MID1: variants seen among roughly 807,000 people sequenced by gnomAD.
The protein encoded by MID1 is E3 ubiquitin-protein ligase Midline-1.
MID1 carries 7 observed loss-of-function variants against 40.4 expected under a neutral mutation model. That is an observed-to-expected ratio of 0.17 (90% CI 0.10 to 0.33). The LOEUF (loss-of-function observed/expected upper bound fraction) is 0.33. MID1 is among the 10% of genes least tolerant of loss of function. MID1 has a pLI of 1.00. For missense variants in MID1, 367 were observed against 558.5 expected, an observed-to-expected ratio of 0.66 and a Z score of 3.46; for synonymous variants, 229 against 221.2, an observed-to-expected ratio of 1.04 and a Z score of -0.31.
At chrX:10,609,596 T>G (rs963435783) in intron 1 of MID1, among the ~76,000 whole-genome samples, 7 of 111,075 alleles carry the variant, frequency 6.3e-5, no homozygotes, top group Non-Finnish European at 5.7e-5. Flanking sequence ...TCTCTGATAG[T>G]GTGCTTCTAA....
At chrX:10,620,814 C>G (rs1426284565), upstream of MID1, among the ~76,000 whole-genome samples, 2 of 112,220 alleles carry the variant, frequency 1.8e-5, no homozygotes, top group Non-Finnish European at 3.8e-5. Flanking sequence ...TAGCTAAGGG[C>G]CTTAAATCCT....
intron 1 of MID1, among the ~76,000 whole-genome samples, chrX:10,774,322 T>C (rs2043788757): frequency 9.1e-6 from 1 of 110,460 alleles, no homozygotes. Context: ...TCAGCCCAGG[T>C]AGTCAGGAAG....
At chrX:10,832,221 G>A (rs2044257414) in intron 1 of MID1, among the ~76,000 whole-genome samples, 1 of 112,346 alleles carries the variant, frequency 8.9e-6, no homozygotes, top group Admixed American at 9.4e-5. Flanking sequence ...TTTAAACTGT[G>A]TCCTTGCGAA....
intron 4 of MID1, among the ~76,000 whole-genome samples, chrX:10,484,023 C>G (rs1293928780): frequency 1.8e-5 from 2 of 112,145 alleles, no homozygotes; most frequent in Admixed American, 1.9e-4. Flanking sequence ...TTACTGTCCC[C>G]AGTGGATTAA....
At chrX:10,521,353 G>A (rs182584818) in intron 3 of MID1, among the ~76,000 whole-genome samples, 217 of 110,769 alleles carry the variant, frequency 2.0e-3, no homozygotes, top group Non-Finnish European at 1.2e-3. Flanking sequence ...AAAATGTTAC[G>A]TGATTCAGAG....
At chrX:10,711,138 C>T (rs1165335465) in intron 1 of MID1, among the ~76,000 whole-genome samples, 2 of 111,705 alleles carry the variant, frequency 1.8e-5, no homozygotes, top group African/African-American at 6.5e-5. Context: ...AGTACCCTTC[C>T]TCCCTTACTT....
At chrX:10,784,338 T>C (rs1288944380) in intron 1 of MID1, among the ~76,000 whole-genome samples, 1 of 111,938 alleles carries the variant, frequency 8.9e-6, no homozygotes, top group Non-Finnish European at 1.9e-5. Flanking sequence ...CATATGAGAT[T>C]TGAAAACCTG....
At chrX:10,613,766 GAGACAGAC>G (rs1328764093) in intron 1 of MID1, among the ~76,000 whole-genome samples, 67 of 75,733 alleles carry the variant, frequency 8.8e-4, no homozygotes, top group African/African-American at 4.1e-3. Flanking sequence ...GAGAGAGAGA[GAGACAGAC>G]AGACAGACAG....
chrX:10,704,735 T>TACACACAC (rs1449236211), intron 1 of MID1, among the ~76,000 whole-genome samples: 23 of 84,884 alleles, frequency 2.7e-4, no homozygotes, highest in African/African-American at 1.2e-3. Flanking sequence ...TATATATATA[T>TACACACAC]ATATACACAC....
intron 1 of MID1, chrX:10,582,887 G>T (rs760663414): frequency 9.0e-6 from 1 of 111,648 alleles, no homozygotes; most frequent in African/African-American, 3.3e-5. Context: ...CCCAATGCAA[G>T]GATGACAAAT....
chrX:10,776,815 G>A (rs2043805733), intron 1 of MID1, among the ~76,000 whole-genome samples: 1 of 112,221 alleles, frequency 8.9e-6, no homozygotes, highest in South Asian at 3.7e-4. Flanking sequence ...AAAGAAAACA[G>A]GAAAATAAAC....
intron 1 of MID1, among the ~76,000 whole-genome samples, chrX:10,704,725 T>TATATATATAC (rs2043215110): frequency 1.2e-5 from 1 of 84,661 alleles, no homozygotes; most frequent in African/African-American, 5.3e-5. Context: ...TGTATATATA[T>TATATATATAC]ATATATATAT....
intron 1 of MID1, among the ~76,000 whole-genome samples, chrX:10,672,005 G>A (rs984266058): frequency 3.6e-5 from 4 of 111,431 alleles, no homozygotes; most frequent in South Asian, 3.8e-4. Context: ...CAGGTGGACC[G>A]CTTGAGCCCA....
chrX:10,746,066 G>C (rs1187550122), intron 1 of MID1, among the ~76,000 whole-genome samples: 1 of 111,779 alleles, frequency 8.9e-6, no homozygotes, highest in African/African-American at 3.3e-5. Context: ...AGACACGAAA[G>C]AGCTAATATT....
At chrX:10,599,266 CAA>C (rs1052019238) in intron 1 of MID1, among the ~76,000 whole-genome samples, 3 of 112,118 alleles carry the variant, frequency 2.7e-5, no homozygotes, top group African/African-American at 6.5e-5. Flanking sequence ...GCATCTTCTC[CAA>C]GTCAAGCATC....
At chrX:10,480,408 A>C (rs1930253908) in intron 5 of MID1, among the ~76,000 whole-genome samples, 1 of 112,321 alleles carries the variant, frequency 8.9e-6, no homozygotes, top group Non-Finnish European at 1.9e-5. Flanking sequence ...GAATTTATTC[A>C]TGTGACACTT....
At chrX:10,653,921 A>G (rs1664948674) in intron 1 of MID1, among the ~76,000 whole-genome samples, 1 of 112,864 alleles carries the variant, frequency 8.9e-6, no homozygotes, top group African/African-American at 3.2e-5. Flanking sequence ...TTCTACCAAG[A>G]TTTTAATAGA....
intron 1 of MID1, among the ~76,000 whole-genome samples, chrX:10,617,160 G>T (rs1935852688): frequency 8.9e-6 from 1 of 111,877 alleles, no homozygotes; most frequent in Non-Finnish European, 1.9e-5. Context: ...TTTCTGGGTG[G>T]GTGAGTATTC....
chrX:10,535,254 G>A (rs760164086), intron 2 of MID1, among the ~76,000 whole-genome samples: 3 of 111,863 alleles, frequency 2.7e-5, no homozygotes, highest in Non-Finnish European at 5.6e-5. Context: ...AGATTCCAAT[G>A]TGCATCCAAG....
Sources: allele counts gnomAD v4.1 joint callset (sites outside exome capture counted in the v4.1 genomes callset), GRCh38; gene constraint gnomAD v4.1.1; transcripts MANE v1.5; gene names NCBI Gene and HGNC (gene_info 2026-07-23, HGNC 2026-07-21).